Variants in FANCB observed in about 807,000 individuals in gnomAD.
FANCB encodes FA complementation group B.
In FANCB, 5 loss-of-function variants were observed where a neutral mutation model predicts 38.9. The ratio of observed to expected loss-of-function variants is 0.13; its 90% CI spans 0.07 to 0.27. The LOEUF (loss-of-function observed/expected upper bound fraction) is 0.27. Ranked by LOEUF, FANCB falls within the 10% of genes least tolerant of loss-of-function variation. The pLI is 1.00. For missense variants in FANCB, 573 were observed against 602.7 expected (o/e 0.95, Z 0.52); for synonymous variants, 236 against 215.4 (o/e 1.10, Z -0.84).
chrX:14,797,194 C>T, the FANCB span, among the ~76,000 whole-genome samples: 3,071 of 111,915 alleles, frequency 0.027, 98 homozygotes, highest in African/African-American at 0.095. Context: ...CAATTCCTTG[C>T]TGGCTGTTAG....
intron 7 of FANCB, among the ~76,000 whole-genome samples, chrX:14,849,588 C>A (rs1023627139): frequency 8.9e-6 from 1 of 112,177 alleles, no homozygotes; most frequent in Non-Finnish European, 1.9e-5. Flanking sequence ...CTTCTCTATC[C>A]ATGATTTCAA....
chrX:14,808,281 A>G, the FANCB span, among the ~76,000 whole-genome samples: 43 of 111,941 alleles, frequency 3.8e-4, no homozygotes, highest in African/African-American at 1.3e-3. Context: ...GCAGGCCAAT[A>G]TTGTTAATAA....
the FANCB span, among the ~76,000 whole-genome samples, chrX:14,698,646 C>T: frequency 2.2e-5 from 2 of 92,521 alleles, no homozygotes; most frequent in Admixed American, 1.2e-4. Flanking sequence ...CCACTGTACT[C>T]CAGCCTGGGC....
intron 2 of FANCB, among the ~76,000 whole-genome samples, chrX:14,866,379 T>C (rs1358098470): frequency 8.9e-6 from 1 of 111,982 alleles, no homozygotes; most frequent in East Asian, 2.8e-4. Flanking sequence ...TTCTAATAAC[T>C]ATTGTCTTAA....
chrX:14,709,294 T>A, the FANCB span, among the ~76,000 whole-genome samples: 36 of 111,739 alleles, frequency 3.2e-4, no homozygotes, highest in Middle Eastern at 4.6e-3. Flanking sequence ...CTGTGTTACA[T>A]ACCTTCATGC....
chrX:14,704,275 C>G, the FANCB span, among the ~76,000 whole-genome samples: 21 of 112,568 alleles, frequency 1.9e-4, no homozygotes, highest in African/African-American at 6.5e-4. Context: ...GCCTTCAGCT[C>G]TACTAGTGTT....
At chrX:14,730,932 ACACACAC>A in the FANCB span, 1 of 115,999 alleles carries the variant, frequency 8.6e-6, no homozygotes, top group Non-Finnish European at 1.7e-5. Flanking sequence ...ACACACACAC[ACACACAC>A]ACACACACAC....
At chrX:14,868,624 G>A (rs1283789852) in intron 2 of FANCB, among the ~76,000 whole-genome samples, 1 of 110,792 alleles carries the variant, frequency 9.0e-6, no homozygotes, top group Non-Finnish European at 1.9e-5. Context: ...TTGCTCAAAG[G>A]GTACAAAGCT....
chrX:14,823,113 G>A, the FANCB span, among the ~76,000 whole-genome samples: 106 of 69,726 alleles, frequency 1.5e-3, no homozygotes, highest in African/African-American at 5.1e-3. Flanking sequence ...GACGAGTTTC[G>A]CTCTTGTTGC....
chrX:14,690,559 T>A, the FANCB span: 1 of 443,257 alleles, frequency 2.3e-6, no homozygotes, highest in East Asian at 3.7e-5. Flanking sequence ...AAGCACTTTC[T>A]TAAGAAAACG....
At chrX:14,798,452 G>A in the FANCB span, among the ~76,000 whole-genome samples, 5 of 111,959 alleles carry the variant, frequency 4.5e-5, no homozygotes, top group Admixed American at 9.5e-5. Flanking sequence ...GTGAGCCACC[G>A]TGCCCAGCCT....
In FANCB at chrX:14,844,725, A is replaced by C; in HGVS notation, c.1943T>G (p.Leu648Arg). Reference sequence around the variant, plus strand: ...ATGGAATGCTGCAAGAAGTGCAAAAAGATCTTCCATGTGCTCTACAAAAAA... The same window carrying C: ...ATGGAATGCTGCAAGAAGTGCAAAACGATCTTCCATGTGCTCTACAAAAAA... ...KKKPIEHMED[L>R]FALLAAFHKS... The change falls in exon 9 of 10, where the codon CTT (leucine) becomes CGT (arginine). Residue 648 changes from leucine to arginine, a missense_variant. Leu to Arg is a moderately radical substitution (Grantham distance 102). Transcript: ENST00000650831. The C allele has an allele frequency of 2.5e-6, 3 of 1,207,711 alleles. No homozygotes were observed. Among genetic ancestry groups the C allele is most frequent in the Non-Finnish European group, 3.4e-6 (3 of 891,527 alleles).
At chrX:14,747,840 T>C in the FANCB span, among the ~76,000 whole-genome samples, 4 of 112,140 alleles carry the variant, frequency 3.6e-5, no homozygotes, top group South Asian at 1.5e-3. Flanking sequence ...TTTTAGTTGG[T>C]TGGGGGTTTG....
At chrX:14,806,136 G>A in the FANCB span, among the ~76,000 whole-genome samples, 1 of 111,827 alleles carries the variant, frequency 8.9e-6, no homozygotes, top group East Asian at 2.8e-4. Context: ...TCAAAGGAGG[G>A]AAGTGAGAAA....
At chrX:14,761,102 G>C in the FANCB span, among the ~76,000 whole-genome samples, 1 of 111,984 alleles carries the variant, frequency 8.9e-6, no homozygotes, top group East Asian at 2.8e-4. Context: ...AAAAACGTAG[G>C]TCAGTTCTCT....
At chrX:14,780,553 C>A in the FANCB span, among the ~76,000 whole-genome samples, 4 of 110,859 alleles carry the variant, frequency 3.6e-5, no homozygotes, top group Non-Finnish European at 5.6e-5. Flanking sequence ...AACAATGTTA[C>A]AATTCAATTT....
the FANCB span, among the ~76,000 whole-genome samples, chrX:14,801,973 C>T: frequency 9.0e-6 from 1 of 111,535 alleles, no homozygotes; most frequent in Non-Finnish European, 1.9e-5. Flanking sequence ...TCCTTGAAAC[C>T]TTGGGACTGT....
chrX:14,787,027 G>T, the FANCB span, among the ~76,000 whole-genome samples: 1 of 110,873 alleles, frequency 9.0e-6, no homozygotes, highest in Admixed American at 9.6e-5. Flanking sequence ...TTTTTATATG[G>T]CCTCAGTCAC....
chrX:14,854,003 ATTCTT>A (rs1362095341), intron 5 of FANCB, among the ~76,000 whole-genome samples: 4 of 112,703 alleles, frequency 3.5e-5, no homozygotes, highest in African/African-American at 1.3e-4. Context: ...ATTATTTGGG[ATTCTT>A]TTCTTTTAAA....
Sources: allele counts gnomAD v4.1 joint callset (sites outside exome capture counted in the v4.1 genomes callset), GRCh38; gene constraint gnomAD v4.1.1; transcripts MANE v1.5; gene names NCBI Gene and HGNC (gene_info 2026-07-23, HGNC 2026-07-21).